CNTNAP5: variants seen among roughly 807,000 people sequenced by gnomAD.
CNTNAP5 encodes the protein contactin associated protein family member 5.
Under a neutral mutation model 150.2 loss-of-function variants are expected in CNTNAP5, and 72 were observed. That is an observed-to-expected ratio of 0.48 (90% CI 0.40 to 0.58). The LOEUF (loss-of-function observed/expected upper bound fraction) is 0.58, where lower values mean the gene tolerates loss of function less well. Ranked by LOEUF, CNTNAP5 falls within the 20% of genes least tolerant of loss-of-function variation. The pLI is 0.00. For synonymous variants in CNTNAP5, 672 were observed against 619.8 expected, an observed-to-expected ratio of 1.08 and a Z score of -1.25; for missense variants, 1,636 against 1,626.2, an observed-to-expected ratio of 1.01 and a Z score of -0.10.
chr2:124,388,805 C>T (rs141009007), intron 3 of CNTNAP5, among the ~76,000 whole-genome samples: 374 of 152,172 alleles, frequency 2.5e-3, no homozygotes, highest in African/African-American at 8.2e-3. Flanking sequence ...CTCTGCCTCC[C>T]GAGTAGCTGG....
intron 1 of CNTNAP5, among the ~76,000 whole-genome samples, chr2:124,172,855 A>G (rs1379770398): frequency 2.0e-5 from 3 of 151,628 alleles, no homozygotes. Flanking sequence ...TATACAGGGC[A>G]CCTCACTTTT....
At chr2:124,850,783 A>G (rs563404400) in intron 19 of CNTNAP5, among the ~76,000 whole-genome samples, 2 of 152,332 alleles carry the variant, frequency 1.3e-5, no homozygotes, top group East Asian at 3.9e-4. Flanking sequence ...ACTAGGAGAG[A>G]AAAATATTAG....
intron 13 of CNTNAP5, among the ~76,000 whole-genome samples, chr2:124,729,679 C>T (rs1053035078): frequency 7.2e-5 from 11 of 151,964 alleles, no homozygotes; most frequent in African/African-American, 2.7e-4. Context: ...ATTTTATCAT[C>T]TTTGATGAAA....
chr2:124,289,996 T>A (rs1175790781), intron 3 of CNTNAP5, among the ~76,000 whole-genome samples: 2 of 152,200 alleles, frequency 1.3e-5, no homozygotes, highest in African/African-American at 4.8e-5. Context: ...TATGTCACAT[T>A]TTAAAATGTG....
At chr2:124,183,009 T>C (rs900272846) in intron 1 of CNTNAP5, among the ~76,000 whole-genome samples, 1 of 152,212 alleles carries the variant, frequency 6.6e-6, no homozygotes, top group African/African-American at 2.4e-5. Flanking sequence ...AAATAAATCC[T>C]TCAACATGGA....
At chr2:124,645,035 T>A (rs1341091437) in intron 12 of CNTNAP5, among the ~76,000 whole-genome samples, 1 of 152,236 alleles carries the variant, frequency 6.6e-6, no homozygotes, top group Non-Finnish European at 1.5e-5. Flanking sequence ...GTTTTCCTTG[T>A]CTTCTTTGTA....
chr2:124,079,160 G>A (rs942209585), intron 1 of CNTNAP5, among the ~76,000 whole-genome samples: 10 of 152,302 alleles, frequency 6.6e-5, no homozygotes, highest in East Asian at 5.8e-4. Context: ...ATTTGGGGCA[G>A]CAAAAACACC....
At chr2:124,688,860 A>T (rs1679245803) in intron 13 of CNTNAP5, among the ~76,000 whole-genome samples, 1 of 152,156 alleles carries the variant, frequency 6.6e-6, no homozygotes, top group Admixed American at 6.6e-5. Flanking sequence ...TATACCTATT[A>T]AAATGTATTA....
chr2:124,493,317 T>C (rs2104852155), intron 7 of CNTNAP5, among the ~76,000 whole-genome samples: 1 of 151,124 alleles, frequency 6.6e-6, no homozygotes, highest in East Asian at 1.9e-4. Context: ...TAATTTTTAA[T>C]TAAAAATATT....
At chr2:124,307,608 T>G (rs1688724135) in intron 3 of CNTNAP5, among the ~76,000 whole-genome samples, 1 of 152,160 alleles carries the variant, frequency 6.6e-6, no homozygotes, top group African/African-American at 2.4e-5. Context: ...TTTCTATTGG[T>G]TGTATTCTGA....
At chr2:124,766,168 T>C (rs1029872312) in intron 16 of CNTNAP5, among the ~76,000 whole-genome samples, 2 of 152,096 alleles carry the variant, frequency 1.3e-5, no homozygotes, top group Admixed American at 1.3e-4. Flanking sequence ...TTTTTATTGC[T>C]TATAGATGGG....
intron 3 of CNTNAP5, among the ~76,000 whole-genome samples, chr2:124,297,223 G>T (rs1688455589): frequency 6.6e-6 from 1 of 152,174 alleles, no homozygotes; most frequent in Non-Finnish European, 1.5e-5. Context: ...TAAAATATTT[G>T]CCTCAAAAAC....
chr2:124,517,802 G>A (rs1694762104), intron 8 of CNTNAP5, among the ~76,000 whole-genome samples: 1 of 146,930 alleles, frequency 6.8e-6, no homozygotes, highest in African/African-American at 2.5e-5. Context: ...TGCTTATGGG[G>A]GGTTGTGGTG....
At position 124,221,835 on chromosome 2, in the gene CNTNAP5, T is replaced by G. The variant is rs139603853; in HGVS notation, c.187+26T>G. Reference sequence around the variant, plus strand: ...GTAAGTAGGCTGACTGAAATCCTAATGCCAAGCACTAAATAATTACGTGGT... The same window carrying G: ...GTAAGTAGGCTGACTGAAATCCTAAGGCCAAGCACTAAATAATTACGTGGT... On this transcript the variant is annotated intron_variant, in intron 2 of 23. Coordinates refer to ENST00000682447, the MANE Select transcript of CNTNAP5 (RefSeq NM_001367498.1). The G allele has an allele frequency of 9.2e-5, 132 of 1,434,460 alleles. 1 individual carries two copies. The African/African-American group carries it at 1.7e-3, about 19-fold the overall frequency. The allele number at this position is 1,434,460 out of a possible 1,614,324, so 88.9% of individuals were successfully genotyped here.
intron 19 of CNTNAP5, among the ~76,000 whole-genome samples, chr2:124,827,418 C>T (rs1682619712): frequency 6.6e-6 from 1 of 152,188 alleles, no homozygotes; most frequent in Non-Finnish European, 1.5e-5. Context: ...AGTCAGTGCA[C>T]TCCAGTGTCT....
intron 7 of CNTNAP5, among the ~76,000 whole-genome samples, chr2:124,482,407 T>C (rs916043860): frequency 1.3e-5 from 2 of 152,196 alleles, no homozygotes; most frequent in Non-Finnish European, 2.9e-5. Flanking sequence ...CCTTTCACAG[T>C]CTTCTTCCTC....
intron 13 of CNTNAP5, among the ~76,000 whole-genome samples, chr2:124,699,181 A>C (rs533555115): frequency 6.6e-6 from 1 of 151,626 alleles, no homozygotes; most frequent in Admixed American, 6.6e-5. Context: ...TTGCAATGCA[A>C]ATCACCCCTA....
chr2:124,058,403 C>G (rs1014543733), intron 1 of CNTNAP5, among the ~76,000 whole-genome samples: 2 of 152,058 alleles, frequency 1.3e-5, no homozygotes, highest in African/African-American at 4.8e-5. Context: ...CTTCCACTCC[C>G]GATTCACCTA....
At chr2:124,180,867 A>G (rs1255004830) in intron 1 of CNTNAP5, among the ~76,000 whole-genome samples, 2 of 149,040 alleles carry the variant, frequency 1.3e-5, no homozygotes, top group Non-Finnish European at 3.0e-5. Context: ...GTTCACCTTG[A>G]ATGGGGCCCT....
Sources: gnomAD v4.1 joint callset for allele counts (sites outside exome capture counted in the v4.1 genomes callset) on GRCh38, gnomAD v4.1.1 for gene constraint, MANE v1.5 for transcripts, NCBI Gene and HGNC (gene_info 2026-07-23, HGNC 2026-07-21) for gene names.